CHODL: variants seen among roughly 807,000 people sequenced by gnomAD.
CHODL encodes the protein transmembrane protein MT75.
A neutral mutation model predicts 34.5 loss-of-function variants in CHODL; 29 were observed. That is an observed-to-expected ratio of 0.84 (90% CI 0.63 to 1.15). The LOEUF is 1.15. CHODL is among the 50% of genes most tolerant of loss of function. The pLI, the probability that CHODL is intolerant of heterozygous loss-of-function variation, is 0.00. For missense variants in CHODL, 332 were observed against 332.5 expected, an observed-to-expected ratio of 1.00 and a Z score of 0.01; for synonymous variants, 125 against 116.1, an observed-to-expected ratio of 1.08 and a Z score of -0.49.
At chr21:17,997,808 A>T (rs2063865761) in intron 1 of CHODL, among the ~76,000 whole-genome samples, 2 of 152,104 alleles carry the variant, frequency 1.3e-5, no homozygotes, top group Admixed American at 6.6e-5. Flanking sequence ...CCACCCCTCC[A>T]GCCCCTCCCA....
At chr21:17,990,562 G>A (rs534158074) in intron 1 of CHODL, among the ~76,000 whole-genome samples, 1 of 152,182 alleles carries the variant, frequency 6.6e-6, no homozygotes, top group African/African-American at 2.4e-5. Context: ...GCAATTTTCA[G>A]TGCTGAATTT....
intron 1 of CHODL, among the ~76,000 whole-genome samples, chr21:17,962,142 A>G (rs936969372): frequency 2.0e-5 from 3 of 152,234 alleles, no homozygotes; most frequent in Non-Finnish European, 4.4e-5. Context: ...GGGGTGTGGG[A>G]AAGCAGGAAT....
At chr21:18,149,419 A>G (rs1393009021) in intron 2 of CHODL, among the ~76,000 whole-genome samples, 1 of 152,152 alleles carries the variant, frequency 6.6e-6, no homozygotes, top group East Asian at 1.9e-4. Context: ...AGTCCTCATA[A>G]CCGTATCTAT....
intron 2 of CHODL, among the ~76,000 whole-genome samples, chr21:18,138,420 G>T (rs1173456370): frequency 2.6e-5 from 4 of 152,100 alleles, no homozygotes; most frequent in Non-Finnish European, 5.9e-5. Flanking sequence ...GACCATGATA[G>T]AATTCCTACT....
chr21:18,026,177 A>G (rs994013176), intron 1 of CHODL, among the ~76,000 whole-genome samples: 5 of 152,214 alleles, frequency 3.3e-5, no homozygotes, highest in African/African-American at 9.6e-5. Flanking sequence ...GAATCGGTCA[A>G]TGGATAAAAC....
rs79828908 is a variant in CHODL at position 18,251,013 on chromosome 21, A to G, written c.80-5496A>G. Among the ~76,000 whole-genome samples, 813 of 151,782 alleles carry G rather than the reference A, an allele frequency of 5.4e-3. 10 individuals carry two copies. The highest frequency in any genetic ancestry group is 0.019 in the African/African-American group (771 of 41,510). On this transcript the variant is annotated intron_variant, in intron 1 of 5. Transcript: ENST00000299295. The stretch of plus-strand genomic sequence containing the variant: ...ATATTAGAAAATATTTATTATTTTC[A>G]TAACTAACTGAGCACTCAACTATCA...
At chr21:17,953,544 G>C (rs941739155) in intron 1 of CHODL, among the ~76,000 whole-genome samples, 3 of 151,982 alleles carry the variant, frequency 2.0e-5, no homozygotes, top group Non-Finnish European at 2.9e-5. Context: ...ACCAAAAGAA[G>C]AGAGAAAATG....
chr21:18,121,190 C>G (rs1005002724), intron 2 of CHODL, among the ~76,000 whole-genome samples: 1 of 152,120 alleles, frequency 6.6e-6, no homozygotes, highest in Admixed American at 6.5e-5. Flanking sequence ...TTAGACTCAG[C>G]AGGGGTGTCC....
At chr21:17,980,957 A>G (rs540789283) in intron 1 of CHODL, among the ~76,000 whole-genome samples, 119 of 152,278 alleles carry the variant, frequency 7.8e-4, no homozygotes, top group African/African-American at 2.6e-3. Flanking sequence ...TACCTGTGTG[A>G]CCTTCAGTGA....
At chr21:18,233,165 TC>T (rs1449354912) in intron 2 of CHODL, among the ~76,000 whole-genome samples, 1 of 151,964 alleles carries the variant, frequency 6.6e-6, no homozygotes, top group Non-Finnish European at 1.5e-5. Flanking sequence ...TGTTCTACTT[TC>T]TGCTTCTATG....
At chr21:18,201,073 A>G (rs116527418) in intron 2 of CHODL, among the ~76,000 whole-genome samples, 1 of 152,312 alleles carries the variant, frequency 6.6e-6, no homozygotes, top group African/African-American at 2.4e-5. Context: ...GCAATATGTT[A>G]TGCAGTCGTA....
chr21:18,222,510 C>T (rs2073894003), intron 2 of CHODL, among the ~76,000 whole-genome samples: 1 of 152,128 alleles, frequency 6.6e-6, no homozygotes, highest in Admixed American at 6.5e-5. Context: ...TTATACTATC[C>T]TCAGGGCCTG....
At chr21:18,233,973 T>C (rs1158005767) in intron 2 of CHODL, among the ~76,000 whole-genome samples, 1 of 152,134 alleles carries the variant, frequency 6.6e-6, no homozygotes, top group Non-Finnish European at 1.5e-5. Context: ...ATATTCCAGA[T>C]TATATTATTC....
At chr21:18,075,662 A>G (rs970532362) in intron 2 of CHODL, among the ~76,000 whole-genome samples, 1 of 152,142 alleles carries the variant, frequency 6.6e-6, no homozygotes, top group Non-Finnish European at 1.5e-5. Context: ...TAACTTCCAC[A>G]TTGCTCATTT....
chr21:18,043,218 G>A (rs752574572), intron 2 of CHODL, among the ~76,000 whole-genome samples: 1 of 151,972 alleles, frequency 6.6e-6, no homozygotes, highest in African/African-American at 2.4e-5. Context: ...TCAAGGGTGT[G>A]CAACCTGTGC....
At chr21:18,170,950 C>T (rs1268512041) in intron 2 of CHODL, among the ~76,000 whole-genome samples, 1 of 151,834 alleles carries the variant, frequency 6.6e-6, no homozygotes, top group Non-Finnish European at 1.5e-5. Context: ...TGTCGTAGGG[C>T]AGTTGTACTA....
At chr21:17,949,594 A>G (rs1048951175) in intron 1 of CHODL, among the ~76,000 whole-genome samples, 3 of 152,130 alleles carry the variant, frequency 2.0e-5, no homozygotes, top group East Asian at 1.9e-4. Context: ...AAACCTGCCA[A>G]ATATATGGAA....
chr21:18,108,595 A>G (rs572621972), intron 2 of CHODL, among the ~76,000 whole-genome samples: 336 of 152,284 alleles, frequency 2.2e-3, no homozygotes, highest in Non-Finnish European at 3.8e-3. Context: ...TATGAAGGGA[A>G]CACACCTGAT....
intron 2 of CHODL, among the ~76,000 whole-genome samples, chr21:18,146,470 G>A (rs776416836): frequency 1.3e-5 from 2 of 152,006 alleles, no homozygotes; most frequent in African/African-American, 2.4e-5. Flanking sequence ...GAATGAGTGA[G>A]TTCTCATGAG....
Sources: allele counts gnomAD v4.1 joint callset (sites outside exome capture counted in the v4.1 genomes callset), GRCh38; gene constraint gnomAD v4.1.1; transcripts MANE v1.5; gene names NCBI Gene and HGNC (gene_info 2026-07-23, HGNC 2026-07-21).